The following OPCML variants were observed in gnomAD, a reference collection of about 807,000 sequenced individuals.
OPCML encodes the protein opioid-binding protein/cell adhesion molecule.
Under a neutral mutation model 37.8 loss-of-function variants are expected in OPCML, and 13 were observed. That is an observed-to-expected ratio of 0.34 (90% CI 0.22 to 0.55). The LOEUF is 0.55. Ranked by LOEUF, OPCML falls within the 20% of genes least tolerant of loss-of-function variation. OPCML has a pLI of 0.91. For missense variants in OPCML, 341 were observed against 435.6 expected (o/e 0.78, Z 1.93); for synonymous variants, 176 against 168.8 (o/e 1.04, Z -0.33).
intron 2 of OPCML, among the ~76,000 whole-genome samples, chr11:132,676,417 T>TA (rs1209765586): frequency 1.3e-5 from 2 of 151,704 alleles, no homozygotes; most frequent in African/African-American, 4.8e-5. Context: ...AAGCAACAAA[T>TA]AAAAAAATTG....
Position 133,509,411 on chromosome 11 carries a change from C to A in OPCML, c.61+22853G>T, listed in dbSNP as rs189138424. The stretch of plus-strand genomic sequence containing the variant: ...CAAAGGACATGATCTCATTCCACTT[C>A]GTGGCTACATAGTATTCCACGGGGT... On this transcript the variant is annotated intron_variant, in intron 1 of 7. Coordinates refer to ENST00000524381, the MANE Select transcript of OPCML (RefSeq NM_001012393.5). 1.8e-3 allele frequency among the ~76,000 whole-genome samples: 273 copies of A among 152,310 alleles called. 3 individuals carry two copies. The highest frequency in any genetic ancestry group is 4.9e-3 in the Admixed American group (75 of 15,294).
intron 1 of OPCML, among the ~76,000 whole-genome samples, chr11:133,182,807 C>G (rs931573963): frequency 6.6e-6 from 1 of 151,988 alleles, no homozygotes; most frequent in Non-Finnish European, 1.5e-5. Context: ...GGTGCTGAAG[C>G]GAAAGGATGT....
At chr11:133,478,412 G>C (rs945803879) in intron 1 of OPCML, among the ~76,000 whole-genome samples, 2 of 152,146 alleles carry the variant, frequency 1.3e-5, no homozygotes, top group African/African-American at 4.8e-5. Flanking sequence ...TCTCGGACCT[G>C]AATTTGAGAG....
At chr11:132,516,169 A>T (rs1053778983) in intron 4 of OPCML, among the ~76,000 whole-genome samples, 2 of 152,168 alleles carry the variant, frequency 1.3e-5, no homozygotes, top group Non-Finnish European at 2.9e-5. Context: ...GTTAAAACTT[A>T]ATATAATTAA....
At chr11:133,078,190 G>A (rs1317171491) in intron 1 of OPCML, among the ~76,000 whole-genome samples, 1 of 152,158 alleles carries the variant, frequency 6.6e-6, no homozygotes, top group Non-Finnish European at 1.5e-5. Flanking sequence ...GGGTGTGGAC[G>A]CACCGAGCAC....
intron 1 of OPCML, among the ~76,000 whole-genome samples, chr11:133,244,723 C>G (rs1416498905): frequency 1.3e-5 from 2 of 151,450 alleles, no homozygotes; most frequent in African/African-American, 4.9e-5. Context: ...CTGCTCTCGC[C>G]ATATGAGGAC....
intron 1 of OPCML, among the ~76,000 whole-genome samples, chr11:133,024,192 C>T (rs1947505273): frequency 6.6e-6 from 1 of 152,158 alleles, no homozygotes; most frequent in Admixed American, 6.5e-5. Context: ...TTCCTGGAGA[C>T]AGCGAGTAGG....
chr11:132,652,674 A>C (rs1222208544), intron 3 of OPCML, among the ~76,000 whole-genome samples: 1 of 152,152 alleles, frequency 6.6e-6, no homozygotes, highest in Non-Finnish European at 1.5e-5. Flanking sequence ...CATCTCTGTA[A>C]AGTACTAAAT....
At chr11:132,750,371 T>A (rs904140796) in intron 2 of OPCML, among the ~76,000 whole-genome samples, 4 of 152,010 alleles carry the variant, frequency 2.6e-5, no homozygotes, top group Admixed American at 6.6e-5. Flanking sequence ...GCTGAGGAAG[T>A]AGGAAGGGAC....
At chr11:133,436,166 G>T (rs1318005332) in intron 1 of OPCML, among the ~76,000 whole-genome samples, 1 of 151,986 alleles carries the variant, frequency 6.6e-6, no homozygotes, top group Non-Finnish European at 1.5e-5. Flanking sequence ...CATACCTACT[G>T]CAATGAGAAC....
chr11:132,956,351 T>C (rs574485051), intron 1 of OPCML, among the ~76,000 whole-genome samples: 1 of 152,334 alleles, frequency 6.6e-6, no homozygotes, highest in Admixed American at 6.5e-5. Context: ...ATCAGAAACA[T>C]TGCTTGTGAT....
At chr11:132,929,436 T>C (rs773132936) in intron 2 of OPCML, among the ~76,000 whole-genome samples, 9 of 152,086 alleles carry the variant, frequency 5.9e-5, no homozygotes, top group Non-Finnish European at 1.3e-4. Context: ...GAAAAGCCCA[T>C]GACCAGATAG....
chr11:132,692,337 G>A (rs1200128338), intron 2 of OPCML, among the ~76,000 whole-genome samples: 4 of 152,150 alleles, frequency 2.6e-5, no homozygotes, highest in Non-Finnish European at 4.4e-5. Context: ...ATTAGGTGCT[G>A]GTAATTAACA....
At chr11:133,160,302 A>G (rs1035501460) in intron 1 of OPCML, among the ~76,000 whole-genome samples, 6 of 152,314 alleles carry the variant, frequency 3.9e-5, no homozygotes, top group African/African-American at 1.4e-4. Flanking sequence ...GAAATAGAAT[A>G]TAATAATAAT....
chr11:132,792,468 A>G (rs1191684369), intron 2 of OPCML, among the ~76,000 whole-genome samples: 1 of 152,230 alleles, frequency 6.6e-6, no homozygotes, highest in African/African-American at 2.4e-5. Flanking sequence ...GCTTTTCCTC[A>G]TCCCCATCCT....
At chr11:133,331,667 ACT>A (rs1218701288) in intron 1 of OPCML, among the ~76,000 whole-genome samples, 1 of 151,966 alleles carries the variant, frequency 6.6e-6, no homozygotes, top group African/African-American at 2.4e-5. Context: ...CTTTATTATA[ACT>A]CAACCTCTAT....
chr11:132,811,649 A>G (rs1380961408), intron 2 of OPCML, among the ~76,000 whole-genome samples: 2 of 152,160 alleles, frequency 1.3e-5, no homozygotes, highest in African/African-American at 4.8e-5. Context: ...TATGCCGCTA[A>G]TTAGAGCCCC....
chr11:132,900,510 T>A, intron 2 of OPCML, among the ~76,000 whole-genome samples: 1 of 152,302 alleles, frequency 6.6e-6, no homozygotes, highest in South Asian at 2.1e-4. Context: ...CAAAATTATC[T>A]TTAAACAAAC....
At chr11:133,470,462 G>T (rs1003005879) in intron 1 of OPCML, among the ~76,000 whole-genome samples, 2 of 152,222 alleles carry the variant, frequency 1.3e-5, no homozygotes, top group African/African-American at 4.8e-5. Flanking sequence ...CCCCATCCCT[G>T]TGACAGATGC....
Sources: allele counts gnomAD v4.1 joint callset (sites outside exome capture counted in the v4.1 genomes callset), GRCh38; gene constraint gnomAD v4.1.1; transcripts MANE v1.5; gene names NCBI Gene and HGNC (gene_info 2026-07-23, HGNC 2026-07-21).